The following SRGN variants were observed in gnomAD, a reference collection of about 807,000 sequenced individuals.
SRGN encodes the protein hematopoetic proteoglycan core peptide.
In SRGN, 2 loss-of-function variants were observed where a neutral mutation model predicts 9.5. The ratio of observed to expected loss-of-function variants is 0.21; its 90% CI spans 0.09 to 0.66. The LOEUF (loss-of-function observed/expected upper bound fraction) is 0.66. Among genes scored for constraint, SRGN ranks in the 30% least tolerant of loss-of-function variants. The pLI, the probability that SRGN is intolerant of heterozygous loss-of-function variation, is 0.83. For synonymous variants in SRGN, 59 were observed against 72.3 expected, an observed-to-expected ratio of 0.82 and a Z score of 0.93; for missense variants, 170 against 192.4, an observed-to-expected ratio of 0.88 and a Z score of 0.69.
In SRGN at chr10:69,100,988, T is replaced by TCC. The variant is rs1409236279; in HGVS notation, c.228-2883_228-2882insCC. On this transcript the variant is annotated intron_variant, in intron 2 of 2. Transcript: ENST00000242465. The stretch of plus-strand genomic sequence containing the variant: ...GTATTTTTTTCTTTCTTTCTTTCTT[T>TCC]TTTTTTTTTTTTTTACAGAGTCTCA... Among the ~76,000 whole-genome samples the TCC allele has an allele frequency of 2.1e-5, 3 of 144,990 alleles. 1 individual carries two copies. Among genetic ancestry groups the TCC allele is most frequent in the Non-Finnish European group, 1.5e-5 (1 of 66,642 alleles).
At chr10:69,096,609 C>T (rs1840180337) in intron 1 of SRGN, among the ~76,000 whole-genome samples, 1 of 152,146 alleles carries the variant, frequency 6.6e-6, no homozygotes, top group African/African-American at 2.4e-5. Flanking sequence ...GTGGGTGCTG[C>T]TGTTATATGA....
intron 1 of SRGN, among the ~76,000 whole-genome samples, chr10:69,093,077 G>A (rs762393180): frequency 6.6e-6 from 1 of 152,128 alleles, no homozygotes; most frequent in Non-Finnish European, 1.5e-5. Context: ...TCCTGTGTGA[G>A]CAAACATTTT....
At chr10:69,101,179 G>A (rs952344415) in intron 2 of SRGN, among the ~76,000 whole-genome samples, 2 of 151,896 alleles carry the variant, frequency 1.3e-5, no homozygotes, top group Non-Finnish European at 2.9e-5. Flanking sequence ...TGACCAGGCT[G>A]GTCTTGAACT....
At chr10:69,102,354 A>C (rs373566370) in intron 2 of SRGN, among the ~76,000 whole-genome samples, 1 of 152,098 alleles carries the variant, frequency 6.6e-6, no homozygotes, top group South Asian at 2.1e-4. Context: ...TCTCTGTGCC[A>C]CCTATGATTT....
rs1423425818 is a variant in SRGN at position 69,088,113 on chromosome 10, A to T, written c.-45A>T. On this transcript the variant is annotated 5_prime_UTR_variant, in exon 1 of 3. Coordinates refer to ENST00000242465, the MANE Select transcript of SRGN (RefSeq NM_002727.4). Reference sequence around the variant, plus strand: ...AGAGAGCACCCTGCTACATTTCCTAATCAAGAAGTTGGCGTGCAGCTGGGA... The same window carrying T: ...AGAGAGCACCCTGCTACATTTCCTATTCAAGAAGTTGGCGTGCAGCTGGGA... 1.3e-6 allele frequency: 2 copies of T among 1,551,896 alleles called. No individual in the cohort carries two copies. Among genetic ancestry groups the T allele is most frequent in the Non-Finnish European group, 1.8e-6 (2 of 1,123,514 alleles).
chr10:69,090,704 T>C (rs1840033888), intron 1 of SRGN, among the ~76,000 whole-genome samples: 1 of 152,214 alleles, frequency 6.6e-6, no homozygotes, highest in Non-Finnish European at 1.5e-5. Flanking sequence ...GGGTTAGAAC[T>C]GGAACATATG....
chr10:69,099,962 C>T (rs1230404280), intron 2 of SRGN, among the ~76,000 whole-genome samples: 1 of 152,080 alleles, frequency 6.6e-6, no homozygotes, highest in South Asian at 2.1e-4. Flanking sequence ...CTGTGCCTCA[C>T]GCCTGTAATC....
At chr10:69,096,114 C>A (rs188775615) in intron 1 of SRGN, among the ~76,000 whole-genome samples, 14 of 152,218 alleles carry the variant, frequency 9.2e-5, no homozygotes, top group African/African-American at 3.4e-4. Context: ...ATCTACTTTT[C>A]ATTCCTAAGG....
Position 69,099,432 on chromosome 10 carries a change from C to T in SRGN, c.227+2201C>T, listed in dbSNP as rs144728872. On this transcript the variant is annotated intron_variant, in intron 2 of 2. Coordinates refer to ENST00000242465, the MANE Select transcript of SRGN (RefSeq NM_002727.4). ...CTTCCTGCCTCAGCCTCCCAAGTAG[C>T]GGGACCACAGGCACACAGCACCATG... 5.2e-4 allele frequency among the ~76,000 whole-genome samples: 79 copies of T among 151,702 alleles called. 2 individuals are homozygous for T. The East Asian group carries it at 0.014, about 27-fold the overall frequency.
At chr10:69,099,272 T>A (rs1287704593) in intron 2 of SRGN, among the ~76,000 whole-genome samples, 1 of 151,640 alleles carries the variant, frequency 6.6e-6, no homozygotes, top group Admixed American at 6.6e-5. Context: ...CCAGGTACAT[T>A]TCACATCACT....
At chr10:69,103,412 G>A (rs537684657) in intron 2 of SRGN, among the ~76,000 whole-genome samples, 2 of 151,960 alleles carry the variant, frequency 1.3e-5, no homozygotes, top group East Asian at 3.9e-4. Context: ...GCATGGTGGC[G>A]CACCCCTGTT....
Position 69,104,140 on chromosome 10 carries a change from G to C in SRGN, c.*20G>C, listed in dbSNP as rs1016377515. Reference sequence around the variant, plus strand: ...TTATAAAAGAGGATTTTCCCACCTTGACACCAGGCAATGTAGTTAGCATAT... The same window carrying C: ...TTATAAAAGAGGATTTTCCCACCTTCACACCAGGCAATGTAGTTAGCATAT... On this transcript the variant is annotated 3_prime_UTR_variant, in exon 3 of 3. Coordinates refer to ENST00000242465, the MANE Select transcript of SRGN (RefSeq NM_002727.4). The C allele has an allele frequency of 9.9e-6, 16 of 1,608,942 alleles. No individual in the cohort carries two copies. Among genetic ancestry groups the C allele is most frequent in the Non-Finnish European group, 1.3e-5 (15 of 1,175,970 alleles).
chr10:69,103,234 C>T (rs1031495265), intron 2 of SRGN, among the ~76,000 whole-genome samples: 7 of 151,984 alleles, frequency 4.6e-5, no homozygotes, highest in African/African-American at 1.4e-4. Flanking sequence ...CCACCACACC[C>T]GGCCAAGAGG....
chr10:69,091,916 A>T, intron 1 of SRGN, among the ~76,000 whole-genome samples: 1 of 49,374 alleles, frequency 2.0e-5, no homozygotes, highest in African/African-American at 4.0e-5. Context: ...AAAGAAAAAG[A>T]AAAGAAAAGA....
chr10:69,100,855 G>T (rs1205934391), intron 2 of SRGN, among the ~76,000 whole-genome samples: 1 of 152,118 alleles, frequency 6.6e-6, no homozygotes, highest in East Asian at 1.9e-4. Context: ...GGCACCTTGG[G>T]CAGGACTCTG....
chr10:69,096,976 C>T, intron 1 of SRGN, 108 bp from the exon 2 acceptor site: 7 of 1,195,438 alleles, frequency 5.9e-6, no homozygotes, highest in Non-Finnish European at 6.9e-6. Context: ...CTTGGGCAGC[C>T]GACTGAGACC....
At chr10:69,088,001 G>T (rs1839972026), upstream of SRGN, 2 of 627,192 alleles carry the variant, frequency 3.2e-6, no homozygotes, top group Non-Finnish European at 5.7e-6. Context: ...TCTGGGTTTT[G>T]ATGTGGATGT....
chr10:69,091,645 G>A (rs750443749), intron 1 of SRGN, among the ~76,000 whole-genome samples: 3 of 151,938 alleles, frequency 2.0e-5, no homozygotes, highest in Admixed American at 6.6e-5. Flanking sequence ...TTGGGAGACC[G>A]AGGAGTGTGG....
chr10:69,089,924 A>G (rs1840015710), intron 1 of SRGN, among the ~76,000 whole-genome samples: 1 of 152,096 alleles, frequency 6.6e-6, no homozygotes, highest in African/African-American at 2.4e-5. Flanking sequence ...AGAGAGAAAG[A>G]AAGGAAAGAA....
Sources: allele counts gnomAD v4.1 joint callset (sites outside exome capture counted in the v4.1 genomes callset), GRCh38; gene constraint gnomAD v4.1.1; transcripts MANE v1.5; gene names NCBI Gene and HGNC (gene_info 2026-07-23, HGNC 2026-07-21).